Variants in ZSCAN10 observed in about 807,000 individuals in gnomAD.
The protein encoded by ZSCAN10 is zinc finger and SCAN domain-containing protein 10.
A neutral mutation model predicts 63.7 loss-of-function variants in ZSCAN10; 52 were observed. The observed-to-expected ratio is 0.82, with a 90% confidence interval of 0.65 to 1.03. ZSCAN10 has a LOEUF of 1.03. Ranked by LOEUF, ZSCAN10 falls within the 50% of genes least tolerant of loss-of-function variation. The pLI, the probability that ZSCAN10 is intolerant of heterozygous loss-of-function variation, is 0.00. For missense variants in ZSCAN10, 1,223 were observed against 1,103.8 expected, an observed-to-expected ratio of 1.11 and a Z score of -1.53; for synonymous variants, 544 against 479.6, an observed-to-expected ratio of 1.13 and a Z score of -1.76.
rs1476990116 is a variant in ZSCAN10 at position 3,099,184 on chromosome 16, A to G, written c.-68+6T>C. 1 of 152,138 alleles carries G rather than the reference A, an allele frequency of 6.6e-6. No individual in the cohort carries two copies. Among genetic ancestry groups the G allele is most frequent in the African/African-American group, 2.4e-5 (1 of 41,190 alleles). The allele number at this position is 152,138 out of a possible 1,614,324, so 9.4% of individuals were successfully genotyped here. On this transcript the variant is annotated splice_donor_region_variant and intron_variant, in intron 1 of 5. Transcript: ENST00000576985. ...CAGCCTGCACCCCGACCTCCCTCCA[A>G]CTCACCACTCGGAGTCCCCACTACA...
In ZSCAN10 at chr16:3,090,390, G is replaced by A; in HGVS notation, c.1044C>T (p.Ile348=). 1 of 1,613,596 alleles carries A rather than the reference G, an allele frequency of 6.2e-7. No individual in the cohort carries two copies. The highest frequency in any genetic ancestry group is 2.2e-5 in the East Asian group (1 of 44,864). The change falls in exon 6 of 6, where the codon ATC becomes ATT. Residue 348 remains isoleucine (I), a synonymous_variant. Coordinates refer to ENST00000576985, the MANE Select transcript of ZSCAN10 (RefSeq NM_032805.3). ...VPEPNPELQF[I]CADCGVSFPQ... is the part of the protein sequence containing the mutation. Reference sequence around the variant, plus strand: ...GGAAGCTCACCCCGCAGTCCGCGCAGATGAACTGCAACTCCGGATTGGGCT... The same window carrying A: ...GGAAGCTCACCCCGCAGTCCGCGCAAATGAACTGCAACTCCGGATTGGGCT...
chr16:3,089,105 C>T lies in ZSCAN10; in HGVS notation c.2329G>A (p.Glu777Lys), dbSNP rs910483646. The T allele has an allele frequency of 3.3e-6, 5 of 1,502,764 alleles. No homozygotes were observed. The highest frequency in any genetic ancestry group is 2.6e-6 in the Non-Finnish European group (3 of 1,137,572). 93.1% of individuals were successfully genotyped at this position (1,502,764 alleles called of 1,614,324 possible). ...GGCGGGCCAAGCTAGTACAGCGTCT[C>T]GCGGGCGTGGGTGCGCAGGTGGCGC... ...LLRHLRTHARETLY is the reference protein window; with the variant it reads ...LLRHLRTHARKTLY The change falls in exon 6 of 6, where the codon GAG becomes AAG. Residue 777 changes from glutamate (E) to lysine (K), a missense_variant. By Grantham distance (56) the Glu-to-Lys change is moderately conservative. Coordinates refer to ENST00000576985, the MANE Select transcript of ZSCAN10 (RefSeq NM_032805.3).
rs556092952 is a variant in ZSCAN10 at position 3,090,489 on chromosome 16, G to C, written c.945C>G (p.Ser315Arg). The change falls in exon 6 of 6, where the codon AGC (serine) becomes AGG (arginine). Residue 315 changes from serine to arginine, a missense_variant. Ser to Arg is a moderately radical substitution (Grantham distance 110). Coordinates refer to ENST00000576985, the MANE Select transcript of ZSCAN10 (RefSeq NM_032805.3). ...AQSLGRGAAA[S>R]GPGEDGSLLG... The stretch of plus-strand genomic sequence containing the variant: ...GAAGGGACCCATCTTCACCAGGGCC[G>C]CTAGCCGCAGCGCCCCGTCCGAGCG... The C allele has an allele frequency of 2.5e-6, 4 of 1,613,198 alleles. No homozygotes were observed. The highest frequency in any genetic ancestry group is 4.5e-5 in the East Asian group (2 of 44,862).
In ZSCAN10 at chr16:3,089,787, G is replaced by C. The variant is rs1465848745; in HGVS notation, c.1647C>G (p.Pro549=). 1 of 1,592,430 alleles carries C rather than the reference G, an allele frequency of 6.3e-7. No individual in the cohort carries two copies. Among genetic ancestry groups the C allele is most frequent in the African/African-American group, 1.3e-5 (1 of 74,758 alleles). Reference sequence around the variant, plus strand: ...TGCGGCCGCAAGCCTGGCAGGAGAAGGGCCGCTCGCCCGTGTGCACCCTCC... The same window carrying C: ...TGCGGCCGCAAGCCTGGCAGGAGAACGGCCGCTCGCCCGTGTGCACCCTCC... The part of the protein sequence containing the change: ...AHRRVHTGER[P]FSCQACGRSF... Residue 549 remains proline, a synonymous_variant, in exon 6 of 6, where the codon CCC becomes CCG. Transcript: ENST00000576985.
At chr16:3,096,928 C>CA (rs34786703) in intron 1 of ZSCAN10, among the ~76,000 whole-genome samples, 16,431 of 105,056 alleles carry the variant, frequency 0.16, 2,982 homozygotes, top group African/African-American at 0.44. Context: ...GACTCTGCCT[C>CA]AAAAAAAAAA....
rs1224716995 is a variant in ZSCAN10, at chr16:3,092,285, G to A, written c.428C>T (p.Pro143Leu). Residue 143 changes from proline to leucine, a missense_variant, in exon 3 of 6, where the codon CCC becomes CTC. By Grantham distance (98) the Pro-to-Leu change is moderately conservative (BLOSUM62 -3). Coordinates refer to ENST00000576985, the MANE Select transcript of ZSCAN10 (RefSeq NM_032805.3). ...DFSCNAGKSC[P>L]RADVTLEEKG... ...TTCCTCCAAGGTGACGTCTGCACGG[G>A]GACAACTCTTGCCAGCATTACAACT... The A allele has an allele frequency of 2.5e-6, 4 of 1,610,808 alleles. No individual in the cohort carries two copies. The African/African-American group carries it at 4.0e-5, about 16-fold the overall frequency.
In ZSCAN10 at chr16:3,090,658, G is replaced by A. The variant is rs1325082757; in HGVS notation, c.788-12C>T. On this transcript the variant is annotated splice_polypyrimidine_tract_variant and intron_variant, in intron 5 of 5. Transcript: ENST00000576985. ...TCTGCTTCCGAATCCTGGGAAACAA[G>A]ACAAAACAGGGACGGTCAGGCCTAT... 1 of 1,521,974 alleles carries A rather than the reference G, an allele frequency of 6.6e-7. No homozygotes were observed. The highest frequency in any genetic ancestry group is 1.3e-5 in the South Asian group (1 of 78,580). The allele number at this position is 1,521,974 out of a possible 1,614,324, so 94.3% of individuals were successfully genotyped here. A position where few individuals can be genotyped will look rare whatever the true frequency, so the allele number is the denominator to read the frequency against.
chr16:3,096,928 CAAAA>C (rs34786703), intron 1 of ZSCAN10, among the ~76,000 whole-genome samples: 3 of 105,184 alleles, frequency 2.9e-5, no homozygotes, highest in African/African-American at 3.2e-5. Context: ...GACTCTGCCT[CAAAA>C]AAAAAAAAAA....
intron 3 of ZSCAN10, 57 bp downstream of exon 3, chr16:3,091,992 C>T: frequency 2.6e-6 from 4 of 1,555,006 alleles, no homozygotes; most frequent in East Asian, 2.3e-5. Context: ...CCACCCCAGA[C>T]ATCCAGGCCC....
At chr16:3,091,463 C>T (rs545163882) in intron 5 of ZSCAN10, 77 bp downstream of exon 5, 55 of 1,517,152 alleles carry the variant, frequency 3.6e-5, no homozygotes, top group South Asian at 3.3e-4. Context: ...GGCAACATAG[C>T]GAGATTCCAT....
At chr16:3,094,159 C>G (rs759997215) in intron 1 of ZSCAN10, among the ~76,000 whole-genome samples, 1 of 152,064 alleles carries the variant, frequency 6.6e-6, no homozygotes, top group East Asian at 1.9e-4. Flanking sequence ...ACTACAGGTG[C>G]ATATCACCAT....
intron 5 of ZSCAN10, among the ~76,000 whole-genome samples, chr16:3,090,890 C>CAAAAA (rs398058044): frequency 4.7e-5 from 3 of 63,724 alleles, no homozygotes; most frequent in Non-Finnish European, 1.1e-4. Context: ...CCCGTCTCTA[C>CAAAAA]AAAAAAAAAA....
chr16:3,090,108 C>T lies in ZSCAN10; in HGVS notation c.1326G>A (p.Gln442=), dbSNP rs1311193971. The change falls in exon 6 of 6, where the codon CAG becomes CAA. Residue 442 remains glutamine, a synonymous_variant. Transcript: ENST00000576985. The part of the protein sequence containing the change: ...FLCAECGRGF[Q]RRASLVQHLL... ...GGTGCTGCACAAGGCTGGCGCGGCG[C>T]TGGAAGCCGCGGCCGCACTCTGCGC... The T allele has an allele frequency of 6.2e-7, 1 of 1,601,846 alleles. No individual in the cohort carries two copies. Among genetic ancestry groups the T allele is most frequent in the Admixed American group, 1.7e-5 (1 of 59,362 alleles).
At position 3,090,384 on chromosome 16, in the gene ZSCAN10, C is replaced by T. The variant is rs773862495; in HGVS notation, c.1050G>A (p.Ala350=). The change falls in exon 6 of 6, where the codon GCG becomes GCA. Residue 350 remains alanine, a synonymous_variant. Coordinates refer to ENST00000576985, the MANE Select transcript of ZSCAN10 (RefSeq NM_032805.3). The stretch of plus-strand genomic sequence containing the variant: ...GCTGCGGGAAGCTCACCCCGCAGTC[C>T]GCGCAGATGAACTGCAACTCCGGAT... ...EPNPELQFIC[A]DCGVSFPQLS... The T allele has an allele frequency of 1.2e-6, 2 of 1,613,376 alleles. No homozygotes were observed. Among genetic ancestry groups the T allele is most frequent in the South Asian group, 2.2e-5 (2 of 91,088 alleles).
At chr16:3,097,402 C>G (rs1271352162) in intron 1 of ZSCAN10, among the ~76,000 whole-genome samples, 1 of 152,196 alleles carries the variant, frequency 6.6e-6, no homozygotes, top group Non-Finnish European at 1.5e-5. Context: ...TGGGGAAGGA[C>G]TCTGACAAAA....
At chr16:3,093,514 CA>C (rs544794714) in intron 1 of ZSCAN10, among the ~76,000 whole-genome samples, 3,166 of 90,280 alleles carry the variant, frequency 0.035, 97 homozygotes, top group African/African-American at 0.11. Context: ...AGACTCAGAT[CA>C]AAAAAAAAAA....
rs760152016 is a variant in ZSCAN10 at position 3,089,255 on chromosome 16, C to A, written c.2179G>T (p.Val727Leu). 2.0e-5 allele frequency: 31 copies of A among 1,574,982 alleles called. No homozygotes were observed. The highest frequency in any genetic ancestry group is 2.7e-5 in the Non-Finnish European group (31 of 1,168,534). The change falls in exon 6 of 6, where the codon GTG becomes TTG. Residue 727 changes from valine (V) to leucine (L), a missense_variant. By Grantham distance (32) the Val-to-Leu change is conservative. Coordinates refer to ENST00000576985, the MANE Select transcript of ZSCAN10 (RefSeq NM_032805.3). ...QEQAEPPQECVECGKSFSRSC... is the reference protein window; with the variant it reads ...QEQAEPPQECLECGKSFSRSC... ...CGGCTGAAGCTCTTCCCGCACTCCA[C>A]GCACTCCTGCGGGGGCTCGGCCTGC...
Position 3,092,569 on chromosome 16 carries a change from G to C in ZSCAN10, c.369C>G (p.His123Gln). The C allele has an allele frequency of 1.9e-6, 3 of 1,562,256 alleles. No individual in the cohort carries two copies. Among genetic ancestry groups the C allele is most frequent in the Non-Finnish European group, 2.6e-6 (3 of 1,155,828 alleles). ...GCGGCCCCGCGTGGCTGGGCTCCCGGTGGATGCCCTCGAGCAGCAGCACCA... is the reference window on the plus strand; with the variant it reads ...GCGGCCCCGCGTGGCTGGGCTCCCGCTGGATGCCCTCGAGCAGCAGCACCA... Reference protein sequence around the residue: ...EEVVLLLEGIHREPSHAGPLD... With the variant: ...EEVVLLLEGIQREPSHAGPLD... Residue 123 changes from histidine (H) to glutamine (Q), a missense_variant, in exon 2 of 6, where the codon CAC becomes CAG. Physicochemically the swap from His to Gln is conservative, Grantham distance 24 (BLOSUM62 0). Coordinates refer to ENST00000576985, the MANE Select transcript of ZSCAN10 (RefSeq NM_032805.3).
At chr16:3,091,487 A>G in intron 5 of ZSCAN10, 53 bp downstream of exon 5, 1 of 1,588,186 alleles carries the variant, frequency 6.3e-7, no homozygotes, top group Non-Finnish European at 8.6e-7. Flanking sequence ...TTTAAAAAAG[A>G]CAAGAAAAGA....
Sources: allele counts gnomAD v4.1 joint callset (sites outside exome capture counted in the v4.1 genomes callset), GRCh38; gene constraint gnomAD v4.1.1; transcripts MANE v1.5; gene names NCBI Gene and HGNC (gene_info 2026-07-23, HGNC 2026-07-21).